Variants in SGCD observed in about 807,000 individuals in gnomAD.
The protein encoded by SGCD is sarcoglycan delta.
A neutral mutation model predicts 36.6 loss-of-function variants in SGCD; 18 were observed. The ratio of observed to expected loss-of-function variants is 0.49; its 90% CI spans 0.34 to 0.73. The LOEUF is 0.73. Among genes scored for constraint, SGCD ranks in the 30% least tolerant of loss-of-function variants. SGCD has a pLI of 0.01. For missense variants in SGCD, 387 were observed against 346.7 expected (o/e 1.12, Z -0.92); for synonymous variants, 133 against 130.6 (o/e 1.02, Z -0.12).
At chr5:156,174,666 T>C (rs1763423967) in intron 3 of SGCD, among the ~76,000 whole-genome samples, 1 of 152,210 alleles carries the variant, frequency 6.6e-6, no homozygotes, top group African/African-American at 2.4e-5. Flanking sequence ...TATAGGGTTA[T>C]GGTACATAAA....
intron 1 of SGCD, among the ~76,000 whole-genome samples, chr5:155,904,045 G>A (rs1756449368): frequency 6.6e-6 from 1 of 152,180 alleles, no homozygotes; most frequent in Non-Finnish European, 1.5e-5. Context: ...TCTGCTGCGT[G>A]TGTGTGCTCA....
At chr5:156,071,819 A>G (rs560605300) in intron 1 of SGCD, among the ~76,000 whole-genome samples, 3 of 152,152 alleles carry the variant, frequency 2.0e-5, no homozygotes, top group Admixed American at 6.5e-5. Flanking sequence ...GTGCTCCTGT[A>G]TTGGGTGCAT....
At chr5:156,320,196 T>C (rs1561617863) in intron 3 of SGCD, among the ~76,000 whole-genome samples, 1 of 151,806 alleles carries the variant, frequency 6.6e-6, no homozygotes, top group Non-Finnish European at 1.5e-5. Context: ...CCAGCACTCC[T>C]CATTCAAGAA....
intron 3 of SGCD, among the ~76,000 whole-genome samples, chr5:156,311,077 A>G (rs1389295468): frequency 1.3e-5 from 2 of 152,198 alleles, no homozygotes; most frequent in Non-Finnish European, 2.9e-5. Context: ...GAATAAACAG[A>G]GTTGTGTTAA....
intron 1 of SGCD, among the ~76,000 whole-genome samples, chr5:156,033,020 T>C (rs1421918661): frequency 6.6e-6 from 1 of 151,086 alleles, no homozygotes; most frequent in Non-Finnish European, 1.5e-5. Flanking sequence ...AAAGCTGCAG[T>C]GAGCTGTAAT....
intron 3 of SGCD, among the ~76,000 whole-genome samples, chr5:156,468,465 T>C (rs2127825014): frequency 6.6e-6 from 1 of 152,234 alleles, no homozygotes; most frequent in African/African-American, 2.4e-5. Context: ...TAAATCATTA[T>C]ATTTTAATAT....
chr5:156,732,427 C>G (rs1055023164), intron 7 of SGCD, among the ~76,000 whole-genome samples: 12 of 152,274 alleles, frequency 7.9e-5, no homozygotes, highest in Admixed American at 6.5e-4. Flanking sequence ...GTTGAACCAG[C>G]CTTGCATCCT....
chr5:156,155,226 A>G (rs532817728), intron 3 of SGCD, among the ~76,000 whole-genome samples: 1 of 151,618 alleles, frequency 6.6e-6, no homozygotes, highest in South Asian at 2.1e-4. Context: ...CCATCTGTCT[A>G]TCTGAAACAA....
intron 6 of SGCD, among the ~76,000 whole-genome samples, chr5:156,620,784 G>C (rs966871758): frequency 2.0e-5 from 3 of 152,174 alleles, no homozygotes; most frequent in African/African-American, 7.2e-5. Flanking sequence ...TCAGCATATA[G>C]TAAACAGGAA....
chr5:156,262,367 A>T (rs1765891040), intron 3 of SGCD, among the ~76,000 whole-genome samples: 1 of 152,140 alleles, frequency 6.6e-6, no homozygotes, highest in South Asian at 2.1e-4. Flanking sequence ...AACATGCTGT[A>T]CAAATTTATA....
intron 7 of SGCD, among the ~76,000 whole-genome samples, chr5:156,686,647 G>A (rs1184630363): frequency 6.6e-6 from 1 of 152,212 alleles, no homozygotes; most frequent in Non-Finnish European, 1.5e-5. Context: ...AAGTGTCTAG[G>A]GGACAAAGCA....
chr5:156,526,141 G>A (rs1035088337), intron 4 of SGCD, among the ~76,000 whole-genome samples: 4 of 152,020 alleles, frequency 2.6e-5, no homozygotes, highest in Non-Finnish European at 2.9e-5. Context: ...TCTCTACTCT[G>A]AGTCTTCTAA....
At chr5:155,865,092 A>ATAGT in the SGCD span, among the ~76,000 whole-genome samples, 1 of 147,244 alleles carries the variant, frequency 6.8e-6, no homozygotes, top group Non-Finnish European at 1.5e-5. Flanking sequence ...CCATAGATAG[A>ATAGT]TAGATAGATA....
chr5:155,813,043 T>G, the SGCD span, among the ~76,000 whole-genome samples: 1 of 152,056 alleles, frequency 6.6e-6, no homozygotes, highest in African/African-American at 2.4e-5. Flanking sequence ...AGGATTTTTT[T>G]AAGAAAAGGA....
chr5:155,966,181 AC>A (rs1284093430), intron 1 of SGCD, among the ~76,000 whole-genome samples: 4 of 152,058 alleles, frequency 2.6e-5, no homozygotes, highest in Non-Finnish European at 4.4e-5. Flanking sequence ...TAGAACCAAC[AC>A]CTTTTAATAT....
At chr5:156,413,774 G>A (rs958639211) in intron 3 of SGCD, among the ~76,000 whole-genome samples, 3 of 152,170 alleles carry the variant, frequency 2.0e-5, no homozygotes, top group Admixed American at 6.5e-5. Context: ...CTTTGCTAGC[G>A]CAGACATTTG....
intron 3 of SGCD, among the ~76,000 whole-genome samples, chr5:156,318,682 A>T (rs549770024): frequency 6.7e-6 from 1 of 148,424 alleles, no homozygotes; most frequent in African/African-American, 2.5e-5. Context: ...TGCAACCTCT[A>T]CCTCTCGGGT....
intron 7 of SGCD, among the ~76,000 whole-genome samples, chr5:156,674,399 G>A (rs974660633): frequency 1.3e-5 from 2 of 152,194 alleles, no homozygotes; most frequent in Non-Finnish European, 2.9e-5. Context: ...GTTACAAAAA[G>A]AGAATTTTCT....
intron 3 of SGCD, among the ~76,000 whole-genome samples, chr5:156,222,584 G>A: frequency 6.6e-6 from 1 of 151,904 alleles, no homozygotes; most frequent in East Asian, 1.9e-4. Flanking sequence ...AAAGTAAAGT[G>A]GTCAAAGCCA....
Sources: allele counts gnomAD v4.1 joint callset (sites outside exome capture counted in the v4.1 genomes callset), GRCh38; gene constraint gnomAD v4.1.1; transcripts MANE v1.5; gene names NCBI Gene and HGNC (gene_info 2026-07-23, HGNC 2026-07-21).